The following CHM variants were observed in gnomAD, a reference collection of about 807,000 sequenced individuals.
The protein encoded by CHM is CHM Rab escort protein.
Under a neutral mutation model 49.0 loss-of-function variants are expected in CHM, and 10 were observed. The ratio of observed to expected loss-of-function variants is 0.20; its 90% confidence interval spans 0.13 to 0.35. The LOEUF (loss-of-function observed/expected upper bound fraction) is 0.35. Ranked by LOEUF, CHM falls within the 10% of genes least tolerant of loss-of-function variation. CHM has a pLI of 1.00. For synonymous variants in CHM, 184 were observed against 167.5 expected (o/e 1.10, Z -0.76); for missense variants, 455 against 478.4 (o/e 0.95, Z 0.46).
intron 8 of CHM, among the ~76,000 whole-genome samples, chrX:85,939,145 G>T (rs1000679120): frequency 1.8e-5 from 2 of 111,987 alleles, no homozygotes; most frequent in African/African-American, 6.5e-5. Context: ...ATAGTAGGTT[G>T]TATCATCTAG....
intron 2 of CHM, among the ~76,000 whole-genome samples, chrX:86,017,046 T>C (rs1436613443): frequency 8.9e-6 from 1 of 112,550 alleles, no homozygotes; most frequent in East Asian, 2.8e-4. Context: ...CCACTAGATT[T>C]CGGACTTGCA....
intron 14 of CHM, among the ~76,000 whole-genome samples, chrX:85,867,200 T>A (rs1254123607): frequency 9.0e-6 from 1 of 111,662 alleles, no homozygotes; most frequent in Non-Finnish European, 1.9e-5. Flanking sequence ...ATGGGGGCAC[T>A]TTTCCCCATG....
At chrX:85,986,880 T>A (rs1931943380) in intron 2 of CHM, among the ~76,000 whole-genome samples, 1 of 110,481 alleles carries the variant, frequency 9.1e-6, no homozygotes, top group Admixed American at 9.7e-5. Flanking sequence ...TCTTTGAGAT[T>A]CAGGAGGATG....
At chrX:86,032,323 G>C (rs1352162223) in intron 1 of CHM, among the ~76,000 whole-genome samples, 2 of 112,035 alleles carry the variant, frequency 1.8e-5, no homozygotes, top group African/African-American at 6.5e-5. Flanking sequence ...TCAACTGTAA[G>C]ATGAGGTTAA....
intron 1 of CHM, among the ~76,000 whole-genome samples, chrX:86,031,753 T>C (rs1401541232): frequency 9.0e-6 from 1 of 111,370 alleles, no homozygotes; most frequent in Non-Finnish European, 1.9e-5. Context: ...GGCAGGAGAA[T>C]CGCTTGAACC....
chrX:85,900,308 A>G (rs973504337), intron 11 of CHM, among the ~76,000 whole-genome samples: 1 of 111,929 alleles, frequency 8.9e-6, no homozygotes, highest in Non-Finnish European at 1.9e-5. Flanking sequence ...GTGAAATACA[A>G]AAAGCTTCAA....
intron 2 of CHM, among the ~76,000 whole-genome samples, chrX:85,983,498 A>T (rs1330770981): frequency 9.0e-6 from 1 of 111,330 alleles, no homozygotes; most frequent in East Asian, 2.8e-4. Context: ...AGAAGAATAC[A>T]ATTCTGCTAT....
At chrX:85,897,557 G>C (rs1047397331) in intron 11 of CHM, among the ~76,000 whole-genome samples, 24 of 110,240 alleles carry the variant, frequency 2.2e-4, no homozygotes, top group Non-Finnish European at 4.2e-4. Flanking sequence ...ACTGCGCGTG[G>C]TGGACAGCCT....
At chrX:85,898,259 ATAATT>A (rs1442969793) in intron 11 of CHM, among the ~76,000 whole-genome samples, 1 of 111,516 alleles carries the variant, frequency 9.0e-6, no homozygotes, top group Non-Finnish European at 1.9e-5. Flanking sequence ...CACCTTGTTT[ATAATT>A]TAAAGAATAA....
At chrX:85,965,991 G>C (rs189524850) in intron 4 of CHM, among the ~76,000 whole-genome samples, 2 of 111,417 alleles carry the variant, frequency 1.8e-5, no homozygotes, top group Admixed American at 1.9e-4. Context: ...TGAAACTGTT[G>C]TGAGATAAGG....
chrX:85,926,357 C>T (rs2148188746), intron 8 of CHM, among the ~76,000 whole-genome samples: 1 of 111,577 alleles, frequency 9.0e-6, no homozygotes, highest in South Asian at 3.7e-4. Flanking sequence ...CAAATGTTCA[C>T]TGGCTCCCCC....
intron 5 of CHM, among the ~76,000 whole-genome samples, chrX:85,962,799 C>T (rs751191882): frequency 1.8e-5 from 2 of 111,629 alleles, no homozygotes; most frequent in Non-Finnish European, 3.8e-5. Context: ...TAAAAATAGT[C>T]TTGCTTCCTA....
Position 85,971,065 on chromosome X carries a change from T to C in CHM, c.315-7013A>G, listed in dbSNP as rs1930871786. The C allele has an allele frequency of 6.6e-6, 4 of 603,879 alleles. No homozygotes were observed. In the Admixed American group the frequency reaches 3.6e-4, roughly 54 times the overall value. The allele number at this position is 603,879 out of a possible 1,213,427, so 49.8% of individuals were successfully genotyped here. A position where few individuals can be genotyped will look rare whatever the true frequency, so the allele number is the denominator to read the frequency against. On this transcript the variant is annotated intron_variant, in intron 4 of 14. Transcript: ENST00000357749. ...CATGGTAATCAAAAAATAACTATCC[T>C]ATATATTTATATTAGAATACATAAT...
intron 11 of CHM, among the ~76,000 whole-genome samples, chrX:85,898,306 T>A (rs190630042): frequency 9.0e-6 from 1 of 111,566 alleles, no homozygotes; most frequent in Non-Finnish European, 1.9e-5. Flanking sequence ...TTCCCAAATC[T>A]ACAAATGCAT....
chrX:85,989,318 C>A (rs1384495114), intron 2 of CHM, among the ~76,000 whole-genome samples: 1 of 111,762 alleles, frequency 8.9e-6, no homozygotes, highest in Non-Finnish European at 1.9e-5. Context: ...GTATCTGGAG[C>A]CCTTCCTTAC....
intron 11 of CHM, among the ~76,000 whole-genome samples, chrX:85,898,355 G>A (rs1470127979): frequency 1.8e-5 from 2 of 111,309 alleles, no homozygotes; most frequent in Non-Finnish European, 3.8e-5. Context: ...TCCCATCCAA[G>A]GGCAACATTT....
chrX:85,885,796 C>T (rs915649584), intron 12 of CHM, among the ~76,000 whole-genome samples: 2 of 111,042 alleles, frequency 1.8e-5, no homozygotes, highest in Non-Finnish European at 3.8e-5. Flanking sequence ...TGGTTCCACT[C>T]ATTTAGCAAT....
intron 12 of CHM, among the ~76,000 whole-genome samples, chrX:85,885,919 C>A (rs1300972203): frequency 9.0e-6 from 1 of 111,104 alleles, no homozygotes; most frequent in Non-Finnish European, 1.9e-5. Context: ...CAACAAAATC[C>A]ATTTAGAGTT....
intron 2 of CHM, among the ~76,000 whole-genome samples, chrX:86,007,514 G>A (rs981561706): frequency 5.1e-4 from 57 of 111,652 alleles, no homozygotes; most frequent in East Asian, 2.3e-3. Context: ...CTACCCATCT[G>A]ACAAAGGGCT....
Sources: gnomAD v4.1 joint callset for allele counts (sites outside exome capture counted in the v4.1 genomes callset) on GRCh38, gnomAD v4.1.1 for gene constraint, MANE v1.5 for transcripts, NCBI Gene and HGNC (gene_info 2026-07-23, HGNC 2026-07-21) for gene names.